The following DCAF8L2 variants were observed in gnomAD, a reference collection of about 807,000 sequenced individuals.
The protein encoded by DCAF8L2 is DDB1 and CUL4 associated factor 8 like 2.
For synonymous variants in DCAF8L2, 200 were observed against 190.9 expected (o/e 1.05, Z -0.39); for missense variants, 430 against 490.7 (o/e 0.88, Z 1.17).
chrX:27,558,463 G>C, the DCAF8L2 span, among the ~76,000 whole-genome samples: 1 of 110,937 alleles, frequency 9.0e-6, no homozygotes, highest in Non-Finnish European at 1.9e-5. Context: ...TGGTCATTGG[G>C]TATAATAAGT....
intron 2 of DCAF8L2, among the ~76,000 whole-genome samples, chrX:27,639,166 A>G (rs1928609830): frequency 8.9e-6 from 1 of 112,050 alleles, no homozygotes; most frequent in African/African-American, 3.2e-5. Flanking sequence ...AGATCATGTT[A>G]AGTGAAATAA....
At chrX:27,576,128 A>G in the DCAF8L2 span, among the ~76,000 whole-genome samples, 1 of 112,524 alleles carries the variant, frequency 8.9e-6, no homozygotes, top group Non-Finnish European at 1.9e-5. Context: ...ATTACCCATT[A>G]ATTTAGTTCA....
chrX:27,610,872 A>G lies in DCAF8L2; in HGVS notation c.-342+20432A>G, dbSNP rs1466856045. 8.0e-5 allele frequency among the ~76,000 whole-genome samples: 9 copies of G among 112,533 alleles called. No homozygotes were observed. The Admixed American group carries it at 8.5e-4, about 11-fold the overall frequency. On this transcript the variant is annotated intron_variant, in intron 1 of 4. Coordinates refer to ENST00000451261, the MANE Select transcript of DCAF8L2 (RefSeq NM_001353450.2). ...CGTGATTGCAGGTGCTGTGCTGGAC[A>G]TGGTATCATTGTTAGAGCAGATTAA...
intron 3 of DCAF8L2, among the ~76,000 whole-genome samples, chrX:27,687,047 T>C (rs971472858): frequency 1.8e-5 from 2 of 111,815 alleles, no homozygotes; most frequent in Non-Finnish European, 3.8e-5. Flanking sequence ...GCCTGGTTCC[T>C]AACAGGCCAC....
At chrX:27,501,088 ATTTCCT>A in the DCAF8L2 span, among the ~76,000 whole-genome samples, 3 of 110,998 alleles carry the variant, frequency 2.7e-5, no homozygotes, top group Non-Finnish European at 5.7e-5. Context: ...GTTAAAAGAA[ATTTCCT>A]GTGACAAATA....
At chrX:27,557,060 C>G in the DCAF8L2 span, among the ~76,000 whole-genome samples, 1 of 112,139 alleles carries the variant, frequency 8.9e-6, no homozygotes, top group African/African-American at 3.2e-5. Flanking sequence ...AAAGTTGGTT[C>G]CACAAACTGA....
chrX:27,706,175 C>T (rs946908489), intron 3 of DCAF8L2, among the ~76,000 whole-genome samples: 2 of 111,049 alleles, frequency 1.8e-5, no homozygotes, highest in African/African-American at 3.3e-5. Flanking sequence ...TGTACCAGTG[C>T]CGCGCTGTTT....
intron 3 of DCAF8L2, among the ~76,000 whole-genome samples, chrX:27,683,028 A>G (rs905149354): frequency 1.8e-5 from 2 of 111,734 alleles, no homozygotes; most frequent in East Asian, 5.7e-4. Flanking sequence ...TTATAAACAC[A>G]TACTAGGCTT....
intron 2 of DCAF8L2, among the ~76,000 whole-genome samples, chrX:27,654,724 T>G (rs1422852339): frequency 9.0e-6 from 1 of 111,507 alleles, no homozygotes. Flanking sequence ...TTAAAATTGT[T>G]AAACTGCATG....
rs1921991632 is a variant in DCAF8L2 at position 27,743,612 on chromosome X, T to C, written c.-58-3226T>C. Reference sequence around the variant, plus strand: ...GGTTTTGCCATGTTGGCCAGGCTGGTCTCAAACTCCGACTGCAAGTAATCC... The same window carrying C: ...GGTTTTGCCATGTTGGCCAGGCTGGCCTCAAACTCCGACTGCAAGTAATCC... On this transcript the variant is annotated intron_variant, in intron 4 of 4. Transcript: ENST00000451261. Among the ~76,000 whole-genome samples, 3 of 109,948 alleles carry C rather than the reference T, an allele frequency of 2.7e-5. No individual in the cohort carries two copies. The South Asian group carries it at 1.2e-3, about 43-fold the overall frequency.
intron 2 of DCAF8L2, among the ~76,000 whole-genome samples, chrX:27,641,443 C>A (rs1928713483): frequency 2.5e-5 from 2 of 80,183 alleles, no homozygotes. Flanking sequence ...TATTTCTTTT[C>A]TTTTCTTTTC....
At chrX:27,673,557 T>A (rs1002500485) in intron 2 of DCAF8L2, among the ~76,000 whole-genome samples, 3 of 102,272 alleles carry the variant, frequency 2.9e-5, no homozygotes, top group South Asian at 8.9e-4. Flanking sequence ...TTAGTAAGGA[T>A]AATAATAATA....
chrX:27,632,908 A>G (rs1344677379), intron 2 of DCAF8L2: 2 of 111,754 alleles, frequency 1.8e-5, no homozygotes, highest in Non-Finnish European at 3.8e-5. Context: ...GAAGGCAGTA[A>G]ATTTTGCCTA....
At chrX:27,492,695 G>A in the DCAF8L2 span, among the ~76,000 whole-genome samples, 16 of 110,813 alleles carry the variant, frequency 1.4e-4, 1 homozygote, top group South Asian at 6.1e-3. Flanking sequence ...TGGTCAGGCT[G>A]GTCTCGAACT....
intron 4 of DCAF8L2, among the ~76,000 whole-genome samples, chrX:27,718,281 C>G (rs1237751066): frequency 2.7e-5 from 3 of 111,926 alleles, no homozygotes; most frequent in Non-Finnish European, 5.6e-5. Context: ...ACTATGCAGT[C>G]TTTCATGTTT....
the DCAF8L2 span, among the ~76,000 whole-genome samples, chrX:27,577,987 T>A: frequency 1.3e-4 from 15 of 111,535 alleles, no homozygotes; most frequent in South Asian, 4.9e-3. Context: ...AAGTAATTTA[T>A]AGATTCAGTG....
chrX:27,715,696 C>G (rs1405647523), intron 3 of DCAF8L2, among the ~76,000 whole-genome samples: 4 of 111,471 alleles, frequency 3.6e-5, no homozygotes, highest in Non-Finnish European at 7.5e-5. Flanking sequence ...GTTATTGATG[C>G]AAAATAAAGT....
the DCAF8L2 span, among the ~76,000 whole-genome samples, chrX:27,532,929 T>C: frequency 9.8e-6 from 1 of 102,303 alleles, no homozygotes; most frequent in African/African-American, 3.5e-5. Flanking sequence ...TACAAAAAAT[T>C]AGCTGGGCGT....
the DCAF8L2 span, among the ~76,000 whole-genome samples, chrX:27,560,895 A>G: frequency 2.7e-5 from 3 of 112,405 alleles, no homozygotes; most frequent in East Asian, 8.4e-4. Flanking sequence ...TGATTTCAAC[A>G]TGAAGTGTTT....
Sources: gnomAD v4.1 joint callset for allele counts (sites outside exome capture counted in the v4.1 genomes callset) on GRCh38, gnomAD v4.1.1 for gene constraint, MANE v1.5 for transcripts, NCBI Gene and HGNC (gene_info 2026-07-23, HGNC 2026-07-21) for gene names.